ENPP2: variants seen among roughly 807,000 people sequenced by gnomAD.
ENPP2 encodes the protein autotaxin.
In ENPP2, 51 loss-of-function variants were observed where a neutral mutation model predicts 120.2. The ratio of observed to expected loss-of-function variants is 0.42; its 90% confidence interval spans 0.34 to 0.54. The LOEUF (loss-of-function observed/expected upper bound fraction) is 0.54, where lower values mean the gene tolerates loss of function less well. Ranked by LOEUF, ENPP2 falls within the 20% of genes least tolerant of loss-of-function variation. The pLI is 0.04. For missense variants in ENPP2, 920 were observed against 1,066.5 expected (o/e 0.86, Z 1.91); for synonymous variants, 365 against 366.4 (o/e 1.00, Z 0.04).
At chr8:119,570,319 A>C (rs1814860378) in intron 20 of ENPP2, among the ~76,000 whole-genome samples, 1 of 139,794 alleles carries the variant, frequency 7.2e-6, no homozygotes, top group East Asian at 2.2e-4. Context: ...GGGAGGTTGA[A>C]GGGGGGTGGG....
chr8:119,600,696 A>G lies in ENPP2; in HGVS notation c.954T>C (p.Tyr318=), dbSNP rs764539235. Residue 318 remains tyrosine (Y), a synonymous_variant, in exon 11 of 25, where the codon TAT becomes TAC. Transcript: ENST00000075322. ...SEQPDFSGHK[Y]GPFGPEMTNP... ...CACTAACCTCAGGGCCGAAAGGGCC[A>G]TATTTGTGTCCAGAGAAATCAGGTT... 15 of 1,612,268 alleles carry G rather than the reference A, an allele frequency of 9.3e-6. No individual in the cohort carries two copies. The highest frequency in any genetic ancestry group is 1.3e-5 in the Non-Finnish European group (15 of 1,178,452).
intron 24 of ENPP2, among the ~76,000 whole-genome samples, chr8:119,559,584 T>C (rs779472158): frequency 1.3e-4 from 20 of 152,240 alleles, no homozygotes; most frequent in Admixed American, 1.2e-3. Flanking sequence ...GGAAATATCT[T>C]CTGCCTTGAT....
At chr8:119,572,578 C>T (rs1815094733) in intron 19 of ENPP2, 1 of 252,098 alleles carries the variant, frequency 4.0e-6, no homozygotes, top group South Asian at 8.4e-5. Context: ...TTGTTAGCAA[C>T]ATTACACTAT....
At chr8:119,644,974 T>C (rs1448283408) in intron 1 of ENPP2, among the ~76,000 whole-genome samples, 11 of 152,040 alleles carry the variant, frequency 7.2e-5, no homozygotes, top group Non-Finnish European at 1.5e-5. Context: ...GACTATGTGA[T>C]ATATGAACAC....
intron 2 of ENPP2, among the ~76,000 whole-genome samples, chr8:119,629,237 CATATA>C (rs922065222): frequency 2.0e-5 from 3 of 150,818 alleles, no homozygotes; most frequent in East Asian, 1.9e-4. Flanking sequence ...AAATATATAC[CATATA>C]ATATATGTGT....
chr8:119,584,353 C>T (rs551697196), intron 15 of ENPP2, among the ~76,000 whole-genome samples: 18 of 152,218 alleles, frequency 1.2e-4, no homozygotes, highest in South Asian at 2.1e-4. Context: ...CTAGGTGCTT[C>T]GCTAGCTCTG....
At chr8:119,656,844 A>C in intron 1 of ENPP2, among the ~76,000 whole-genome samples, 1 of 152,238 alleles carries the variant, frequency 6.6e-6, no homozygotes, top group East Asian at 1.9e-4. Flanking sequence ...TCAATATCAC[A>C]GCAATGATTA....
intron 8 of ENPP2, among the ~76,000 whole-genome samples, chr8:119,610,817 C>T (rs933188434): frequency 2.0e-5 from 3 of 150,896 alleles, no homozygotes; most frequent in Non-Finnish European, 2.9e-5. Flanking sequence ...GCAGGAGAAT[C>T]GCTTAAACCC....
In ENPP2 at chr8:119,564,937, T is replaced by C. The variant is rs1411903128; in HGVS notation, c.2150A>G (p.Gln717Arg). 6.2e-7 allele frequency: 1 copy of C among 1,613,224 alleles called. No individual in the cohort carries two copies. The highest frequency in any genetic ancestry group is 1.7e-5 in the Admixed American group (1 of 59,898). Residue 717 changes from glutamine to arginine, a missense_variant, in exon 23 of 25, where the codon CAA becomes CGA. Coordinates refer to ENST00000075322, the MANE Select transcript of ENPP2 (RefSeq NM_001040092.3). ...AGCATATTTCTTCACCAATACCCTT[T>C]GGAAATAATTCCAGACCCCTGTGCA... is the stretch of plus-strand genomic sequence containing the variant. ...PAFKRVWNYF[Q>R]RVLVKKYASE...
chr8:119,595,859 A>G, intron 11 of ENPP2: 1 of 1,613,982 alleles, frequency 6.2e-7, no homozygotes, highest in Non-Finnish European at 8.5e-7. Context: ...TGTCCTGACG[A>G]GTTTCCGCAG....
chr8:119,564,816 C>G lies in ENPP2; in HGVS notation c.2264+7G>C, dbSNP rs143641618. ...AATCACACACTGAGTAGAAATGAAACGCTTACTGTTTTATTTTGTCTTCTG... is the reference window on the plus strand; with the variant it reads ...AATCACACACTGAGTAGAAATGAAAGGCTTACTGTTTTATTTTGTCTTCTG... On this transcript the variant is annotated splice_region_variant and intron_variant, in intron 23 of 24. Transcript: ENST00000075322. 1 of 1,610,144 alleles carries G rather than the reference C, an allele frequency of 6.2e-7. No individual in the cohort carries two copies. The highest frequency in any genetic ancestry group is 8.5e-7 in the Non-Finnish European group (1 of 1,178,408).
intron 1 of ENPP2, among the ~76,000 whole-genome samples, chr8:119,648,789 A>C (rs1817546091): frequency 6.6e-6 from 1 of 152,200 alleles, no homozygotes; most frequent in South Asian, 2.1e-4. Flanking sequence ...TTAATGGTGA[A>C]AGACTGAATG....
At chr8:119,595,377 C>T (rs1040160941) in intron 11 of ENPP2, among the ~76,000 whole-genome samples, 5 of 152,160 alleles carry the variant, frequency 3.3e-5, no homozygotes, top group Non-Finnish European at 5.9e-5. Context: ...CTCTTTCTTT[C>T]TGTCTTAGCT....
chr8:119,580,149 T>C lies in ENPP2; in HGVS notation c.1747A>G (p.Asn583Asp). Residue 583 changes from asparagine to aspartate, a missense_variant, in exon 19 of 25, where the codon AAC becomes GAC. Transcript: ENST00000075322. The part of the protein sequence containing the change: ...VEPKNKLDEL[N>D]KRLHTKGSTE... ...GACCCTTTTGTATGAAGCCGTTTGTTGAGTTCATCCAACTTGTTCTTCATG... is the reference window on the plus strand; with the variant it reads ...GACCCTTTTGTATGAAGCCGTTTGTCGAGTTCATCCAACTTGTTCTTCATG... The C allele has an allele frequency of 2.5e-6, 4 of 1,613,466 alleles. No individual in the cohort carries two copies. Among genetic ancestry groups the C allele is most frequent in the Non-Finnish European group, 3.4e-6 (4 of 1,179,338 alleles).
At chr8:119,572,018 G>A (rs1815035780) in intron 19 of ENPP2, 1 of 573,494 alleles carries the variant, frequency 1.7e-6, no homozygotes, top group Non-Finnish European at 3.1e-6. Flanking sequence ...CCTTAGTTAA[G>A]CTGCCAAATT....
At position 119,569,251 on chromosome 8, in the gene ENPP2, T is replaced by C. The variant is rs1814747917; in HGVS notation, c.2037A>G (p.Gly679=). 1 of 1,613,910 alleles carries C rather than the reference T, an allele frequency of 6.2e-7. No individual in the cohort carries two copies. The highest frequency in any genetic ancestry group is 8.5e-7 in the Non-Finnish European group (1 of 1,179,954). The stretch of plus-strand genomic sequence containing the variant: ...TTAACTTACAAGGAGGAAAGAGGAA[T>C]CCGTAGGACATCTGCTTATCATTTT... ...AYKNDKQMSY[G]FLFPPYLSSS... The change falls in exon 21 of 25, where the codon GGA becomes GGG. Residue 679 remains glycine, a synonymous_variant. Transcript: ENST00000075322.
chr8:119,584,429 G>A (rs1440879062), intron 15 of ENPP2, among the ~76,000 whole-genome samples: 1 of 151,854 alleles, frequency 6.6e-6, no homozygotes, highest in Non-Finnish European at 1.5e-5. Flanking sequence ...CCCTCCCTAG[G>A]GTCAGTGTCA....
At chr8:119,659,320 T>TAAAAA (rs750701293) in intron 1 of ENPP2, among the ~76,000 whole-genome samples, 1,472 of 64,864 alleles carry the variant, frequency 0.023, 68 homozygotes, top group African/African-American at 0.068. Flanking sequence ...CTGTCTCAAT[T>TAAAAA]AAAAAAAAAA....
At chr8:119,633,087 C>T (rs1407416375) in intron 2 of ENPP2, among the ~76,000 whole-genome samples, 1 of 152,122 alleles carries the variant, frequency 6.6e-6, no homozygotes. Context: ...AATTCTAGTG[C>T]CATCTGTTCC....
Sources: allele counts gnomAD v4.1 joint callset (sites outside exome capture counted in the v4.1 genomes callset), GRCh38; gene constraint gnomAD v4.1.1; transcripts MANE v1.5; gene names NCBI Gene and HGNC (gene_info 2026-07-23, HGNC 2026-07-21).